The following ATP10D variants were observed in gnomAD, a reference collection of about 807,000 sequenced individuals.
ATP10D encodes ATPase phospholipid transporting 10D (putative), also known as phospholipid-transporting ATPase VD.
A neutral mutation model predicts 144.8 loss-of-function variants in ATP10D; 89 were observed. That is an observed-to-expected ratio of 0.61 (90% CI 0.52 to 0.73). ATP10D has a LOEUF of 0.73. Ranked by LOEUF, ATP10D falls within the 30% of genes least tolerant of loss-of-function variation. ATP10D has a pLI of 0.00. For synonymous variants in ATP10D, 571 were observed against 615.1 expected (o/e 0.93, Z 1.06); for missense variants, 1,603 against 1,714.8 (o/e 0.93, Z 1.15).
rs887527315 is a variant in ATP10D, at chr4:47,593,368, T to C, written c.*1987T>C. 4 of 152,104 alleles carry C rather than the reference T, an allele frequency of 2.6e-5. No individual in the cohort carries two copies. The highest frequency in any genetic ancestry group is 7.2e-5 in the African/African-American group (3 of 41,460). 9.4% of individuals were successfully genotyped at this position (152,104 alleles called of 1,614,324 possible). The stretch of plus-strand genomic sequence containing the variant: ...AAAGCTATTTATGTACTTTGCTTAA[T>C]GTAATCATTCATATACTTTGCTACA... On this transcript the variant is annotated 3_prime_UTR_variant, in exon 23 of 23. Transcript: ENST00000273859.
chr4:47,527,880 C>T (rs1381930843), intron 5 of ATP10D, among the ~76,000 whole-genome samples: 1 of 152,154 alleles, frequency 6.6e-6, no homozygotes, highest in Non-Finnish European at 1.5e-5. Flanking sequence ...GGCCATCCCA[C>T]TCCTAGACAA....
chr4:47,520,657 C>T (rs1487365278), intron 3 of ATP10D, among the ~76,000 whole-genome samples: 1 of 152,078 alleles, frequency 6.6e-6, no homozygotes, highest in African/African-American at 2.4e-5. Context: ...CAACCTCCAC[C>T]TCCCGGGTTC....
At position 47,563,641 on chromosome 4, in the gene ATP10D, A is replaced by T. The variant is rs1719438785; in HGVS notation, c.2729A>T (p.His910Leu). 6.2e-7 allele frequency: 1 copy of T among 1,613,912 alleles called. No homozygotes were observed. Among genetic ancestry groups the T allele is most frequent in the African/African-American group, 1.3e-5 (1 of 74,910 alleles). ...EGVPESIEALHKAGIKIWMLT... is the reference protein window; with the variant it reads ...EGVPESIEALLKAGIKIWMLT... Reference sequence around the variant, plus strand: ...GTCCCTGAATCTATAGAAGCTCTTCACAAAGCGGGCATCAAGATCTGGATG... The same window carrying T: ...GTCCCTGAATCTATAGAAGCTCTTCTCAAAGCGGGCATCAAGATCTGGATG... The change falls in exon 15 of 23, where the codon CAC becomes CTC. Residue 910 changes from histidine to leucine, a missense_variant. His to Leu is a moderately conservative substitution (Grantham distance 99, BLOSUM62 -3). Coordinates refer to ENST00000273859, the MANE Select transcript of ATP10D (RefSeq NM_020453.4).
At chr4:47,579,663 A>G (rs934504443) in intron 19 of ATP10D, among the ~76,000 whole-genome samples, 4 of 152,238 alleles carry the variant, frequency 2.6e-5, no homozygotes, top group Admixed American at 2.6e-4. Flanking sequence ...AAAAAGGTCC[A>G]TGTTGCAGAA....
Position 47,512,741 on chromosome 4 carries a change from C to T in ATP10D, c.201C>T (p.Phe67=), listed in dbSNP as rs747420494. ...IQPFKDEYEK[F]SGAYVNNRIR... is the part of the protein sequence containing the mutation. ...CCTTCAAGGATGAGTATGAGAAGTT[C>T]TCCGGAGCCTATGTGAACAATCGAA... is the stretch of plus-strand genomic sequence containing the variant. Residue 67 remains phenylalanine (F), a synonymous_variant, in exon 2 of 23, where the codon TTC becomes TTT. Transcript: ENST00000273859. The T allele has an allele frequency of 1.9e-6, 3 of 1,614,198 alleles. No individual in the cohort carries two copies. The highest frequency in any genetic ancestry group is 1.7e-6 in the Non-Finnish European group (2 of 1,180,002).
chr4:47,570,306 A>G (rs987527268), intron 16 of ATP10D, among the ~76,000 whole-genome samples: 2 of 152,200 alleles, frequency 1.3e-5, no homozygotes, highest in South Asian at 2.1e-4. Flanking sequence ...AGGGAACGCC[A>G]AAGTTATGTC....
intron 4 of ATP10D, among the ~76,000 whole-genome samples, chr4:47,524,687 C>A (rs1717141797): frequency 6.6e-6 from 1 of 152,144 alleles, no homozygotes. Flanking sequence ...ATTACTGATC[C>A]TCTTTGTGTC....
At chr4:47,488,612 C>CAAAAAAAAA (rs56859197) in intron 1 of ATP10D, among the ~76,000 whole-genome samples, 2 of 91,314 alleles carry the variant, frequency 2.2e-5, no homozygotes, top group African/African-American at 3.8e-5. Flanking sequence ...ATATAATAAG[C>CAAAAAAAAA]AAAAAAAAAA....
chr4:47,554,893 T>C lies in ATP10D; in HGVS notation c.1803T>C (p.Ala601=), dbSNP rs1481061743. The change falls in exon 11 of 23, where the codon GCT becomes GCC. Residue 601 remains alanine, a synonymous_variant. Coordinates refer to ENST00000273859, the MANE Select transcript of ATP10D (RefSeq NM_020453.4). ...TTTGCAACACAGTAGTGGTTTCTGC[T>C]CCTAACCAACCCCGACAAAAGGTGA... The part of the protein sequence containing the change: ...LAICNTVVVS[A]PNQPRQKIRH... The C allele has an allele frequency of 1.9e-6, 3 of 1,613,924 alleles. No individual in the cohort carries two copies. The highest frequency in any genetic ancestry group is 1.7e-6 in the Non-Finnish European group (2 of 1,179,930).
In ATP10D at chr4:47,572,278, C is replaced by T. The variant is rs758339518; in HGVS notation, c.3240+48C>T. Reference sequence around the variant, plus strand: ...AGTTCTGTGGCCTTGACCTGCCCATCCAAAGGCAGCATTCTCCATGGTAAA... The same window carrying T: ...AGTTCTGTGGCCTTGACCTGCCCATTCAAAGGCAGCATTCTCCATGGTAAA... On this transcript the variant is annotated intron_variant, in intron 17 of 22. Coordinates refer to ENST00000273859, the MANE Select transcript of ATP10D (RefSeq NM_020453.4). 1.7e-5 allele frequency: 25 copies of T among 1,504,342 alleles called. 1 individual carries two copies. The South Asian group carries it at 2.6e-4, about 16-fold the overall frequency. 93.2% of individuals were successfully genotyped at this position (1,504,342 alleles called of 1,614,324 possible).
intron 9 of ATP10D, among the ~76,000 whole-genome samples, chr4:47,545,099 G>GCTT (rs1718348272): frequency 6.6e-6 from 1 of 152,226 alleles, no homozygotes; most frequent in African/African-American, 2.4e-5. Flanking sequence ...GGGACATGGG[G>GCTT]CTTAGATCTG....
chr4:47,567,600 T>C (rs1428418479), intron 15 of ATP10D, among the ~76,000 whole-genome samples: 2 of 152,242 alleles, frequency 1.3e-5, no homozygotes, highest in Non-Finnish European at 2.9e-5. Context: ...AAATGTGCCA[T>C]TTTAATTTAA....
At position 47,583,112 on chromosome 4, in the gene ATP10D, A is replaced by G. The variant is rs575082736; in HGVS notation, c.3753+1048A>G. ...AGCTATGATCATGCCACTGCACTCC[A>G]GCTTGGGAAACAGAGAGAAACCTTG... On this transcript the variant is annotated intron_variant, in intron 21 of 22. Coordinates refer to ENST00000273859, the MANE Select transcript of ATP10D (RefSeq NM_020453.4). 7.9e-5 allele frequency: 12 copies of G among 152,414 alleles called. No individual in the cohort carries two copies. In the South Asian group the frequency reaches 2.3e-3, roughly 29 times the overall value. The allele number at this position is 152,414 out of a possible 1,614,324, so 9.4% of individuals were successfully genotyped here.
chr4:47,567,058 A>G (rs1428952626), intron 15 of ATP10D, among the ~76,000 whole-genome samples: 1 of 152,226 alleles, frequency 6.6e-6, no homozygotes, highest in African/African-American at 2.4e-5. Context: ...AGACTTTGCT[A>G]CAGTTTGAGA....
intron 5 of ATP10D, among the ~76,000 whole-genome samples, chr4:47,531,164 T>C (rs777978097): frequency 4.6e-5 from 7 of 152,182 alleles, no homozygotes; most frequent in Non-Finnish European, 1.0e-4. Context: ...AGGTCTTTTA[T>C]TAATGATTCA....
chr4:47,510,018 C>T (rs1001967059), intron 1 of ATP10D, among the ~76,000 whole-genome samples: 2 of 148,046 alleles, frequency 1.4e-5, no homozygotes, highest in African/African-American at 5.0e-5. Context: ...GTATTTCTTA[C>T]TGGGAGAGCA....
Position 47,506,487 on chromosome 4 carries a change from G to A in ATP10D, c.-37-6017G>A, listed in dbSNP as rs533143722. On this transcript the variant is annotated intron_variant, in intron 1 of 22. Transcript: ENST00000273859. ...TAATTACAGGTTTTATAATCTGTGA[G>A]TAAATGAAATATTGGATGGGAAAAT... Among the ~76,000 whole-genome samples the A allele has an allele frequency of 2.6e-5, 4 of 152,292 alleles. No individual in the cohort carries two copies. The South Asian group carries it at 8.3e-4, about 32-fold the overall frequency.
rs1717200133 is a variant in ATP10D at position 47,525,613 on chromosome 4, C to G, written c.747C>G (p.Asn249Lys). 6.2e-7 allele frequency: 1 copy of G among 1,613,304 alleles called. No individual in the cohort carries two copies. Among genetic ancestry groups the G allele is most frequent in the South Asian group, 1.1e-5 (1 of 91,066 alleles). Residue 249 changes from asparagine (N) to lysine (K), a missense_variant, in exon 5 of 23, where the codon AAC becomes AAG. Coordinates refer to ENST00000273859, the MANE Select transcript of ATP10D (RefSeq NM_020453.4). ...GTAGGATAGAATGTGAAAGCCCAAACAATGACCTCAGCAGATTCCGAGGCT... is the reference window on the plus strand; with the variant it reads ...GTAGGATAGAATGTGAAAGCCCAAAGAATGACCTCAGCAGATTCCGAGGCT... ...FSSRIECESPNNDLSRFRGFL... is the reference protein window; with the variant it reads ...FSSRIECESPKNDLSRFRGFL...
At chr4:47,535,713 A>C in intron 6 of ATP10D, 98 bp downstream of exon 6, 1 of 1,408,446 alleles carries the variant, frequency 7.1e-7, no homozygotes, top group Admixed American at 2.4e-5. Flanking sequence ...AGCAGAAAGG[A>C]AATTTTGCCT....
Sources: gnomAD v4.1 joint callset for allele counts (sites outside exome capture counted in the v4.1 genomes callset) on GRCh38, gnomAD v4.1.1 for gene constraint, MANE v1.5 for transcripts, NCBI Gene and HGNC (gene_info 2026-07-23, HGNC 2026-07-21) for gene names.